Variants in ICE1 observed in about 807,000 individuals in gnomAD.
ICE1 encodes the protein interactor of little elongation complex ELL subunit 1.
ICE1 carries 64 observed loss-of-function variants against 192.7 expected under a neutral mutation model. The ratio of observed to expected loss-of-function variants is 0.33; its 90% CI spans 0.27 to 0.41. The LOEUF (loss-of-function observed/expected upper bound fraction) is 0.41. ICE1 is among the 10% of genes least tolerant of loss of function. ICE1 has a pLI of 1.00. For missense variants in ICE1, 2,708 were observed against 2,696.0 expected (o/e 1.00, Z -0.10); for synonymous variants, 1,010 against 984.5 (o/e 1.03, Z -0.49).
At chr5:5,456,905 GA>G (rs1396608980) in intron 11 of ICE1, among the ~76,000 whole-genome samples, 1 of 152,122 alleles carries the variant, frequency 6.6e-6, no homozygotes, top group African/African-American at 2.4e-5. Flanking sequence ...GGGTAGGCTT[GA>G]TATTAGTTGA....
At chr5:5,480,469 C>T (rs1164579582) in intron 17 of ICE1, among the ~76,000 whole-genome samples, 3 of 152,130 alleles carry the variant, frequency 2.0e-5, no homozygotes, top group East Asian at 1.9e-4. Flanking sequence ...AGGATGGTCT[C>T]GATCTCCTGA....
Position 5,447,552 on chromosome 5 carries a change from T to G in ICE1, c.507+43T>G, listed in dbSNP as rs768852744. The G allele has an allele frequency of 4.8e-6, 7 of 1,465,298 alleles. No homozygotes were observed. In the South Asian group the frequency reaches 8.6e-5, roughly 18 times the overall value. The allele number at this position is 1,465,298 out of a possible 1,614,324, so 90.8% of individuals were successfully genotyped here. A position where few individuals can be genotyped will look rare whatever the true frequency, so the allele number is the denominator to read the frequency against. On this transcript the variant is annotated intron_variant, in intron 8 of 18. Coordinates refer to ENST00000296564, the MANE Select transcript of ICE1 (RefSeq NM_015325.3). ...CATACACACACCTTAAATACGTGGC[T>G]CCAGGGTCTCTGTAGTGTCTCTGTG...
intron 14 of ICE1, among the ~76,000 whole-genome samples, chr5:5,468,348 A>G (rs1181684728): frequency 6.6e-6 from 1 of 152,196 alleles, no homozygotes; most frequent in Non-Finnish European, 1.5e-5. Flanking sequence ...ATTTATCCAA[A>G]TTCATTGAAC....
chr5:5,482,441 C>G (rs1739528566), intron 17 of ICE1, among the ~76,000 whole-genome samples: 1 of 152,158 alleles, frequency 6.6e-6, no homozygotes, highest in Non-Finnish European at 1.5e-5. Flanking sequence ...AGCGTAATGT[C>G]AAAGTAGGAG....
chr5:5,448,776 A>G (rs1299438447), intron 10 of ICE1, among the ~76,000 whole-genome samples: 3 of 152,068 alleles, frequency 2.0e-5, no homozygotes, highest in Admixed American at 6.6e-5. Flanking sequence ...AATTCAGAGT[A>G]CAAGTTTATG....
Position 5,468,996 on chromosome 5 carries a change from A to G in ICE1, c.6222+8A>G, listed in dbSNP as rs746123994. 3.3e-6 allele frequency: 5 copies of G among 1,497,848 alleles called. No homozygotes were observed. Among genetic ancestry groups the G allele is most frequent in the Admixed American group, 2.4e-5 (1 of 41,510 alleles). The allele number at this position is 1,497,848 out of a possible 1,614,324, so 92.8% of individuals were successfully genotyped here. On this transcript the variant is annotated splice_region_variant and intron_variant, in intron 15 of 18. Coordinates refer to ENST00000296564, the MANE Select transcript of ICE1 (RefSeq NM_015325.3). Reference sequence around the variant, plus strand: ...TTTCTTAATTGGGAAAAGGTGAGCCATATTTCTGTTTCTTACAGTATCTTA... The same window carrying G: ...TTTCTTAATTGGGAAAAGGTGAGCCGTATTTCTGTTTCTTACAGTATCTTA...
chr5:5,479,449 G>C (rs1273308396), intron 17 of ICE1, among the ~76,000 whole-genome samples: 1 of 152,202 alleles, frequency 6.6e-6, no homozygotes, highest in Non-Finnish European at 1.5e-5. Flanking sequence ...AACAACAGAT[G>C]CTGGTGAGGC....
chr5:5,439,150 A>G (rs1737963442), intron 3 of ICE1, among the ~76,000 whole-genome samples: 1 of 152,168 alleles, frequency 6.6e-6, no homozygotes, highest in Non-Finnish European at 1.5e-5. Flanking sequence ...ATGGCAAGAA[A>G]TGTATTTTAT....
chr5:5,460,473 A>T lies in ICE1; in HGVS notation c.1139A>T (p.Asn380Ile), dbSNP rs1738734966. ...YFGEYTDSSDNDSVQLRNSAE... is the reference protein window; with the variant it reads ...YFGEYTDSSDIDSVQLRNSAE... ...GGAGAATACACAGATTCCAGCGATA[A>T]TGACTCAGTCCAGCTTAGAAATTCT... The change falls in exon 13 of 19, where the codon AAT becomes ATT. Residue 380 changes from asparagine (N) to isoleucine (I), a missense_variant. Transcript: ENST00000296564. 6.2e-7 allele frequency: 1 copy of T among 1,605,480 alleles called. No individual in the cohort carries two copies. The highest frequency in any genetic ancestry group is 1.1e-5 in the South Asian group (1 of 89,790).
chr5:5,437,184 A>G (rs1737893487), intron 3 of ICE1, 70 bp downstream of exon 3: 1 of 1,244,514 alleles, frequency 8.0e-7, no homozygotes, highest in Admixed American at 2.0e-5. Flanking sequence ...AAGAGATGTG[A>G]GAATTGTTCC....
In ICE1 at chr5:5,463,336, C is replaced by T. The variant is rs141988637; in HGVS notation, c.4002C>T (p.Ser1334=). Residue 1334 remains serine, a synonymous_variant, in exon 13 of 19, where the codon AGC becomes AGT. Coordinates refer to ENST00000296564, the MANE Select transcript of ICE1 (RefSeq NM_015325.3). The stretch of plus-strand genomic sequence containing the variant: ...ACACTGAGGGCAGCTCTCCCATCAG[C>T]GGTATGCCTCAGAATGAAAACCCTC... ...ALDTEGSSPI[S]GMPQNENPQS... The T allele has an allele frequency of 2.4e-4, 387 of 1,613,568 alleles. 2 individuals are homozygous for T. In the East Asian group the frequency reaches 7.7e-3, roughly 32 times the overall value.
intron 16 of ICE1, 142 bp from the exon 17 acceptor site, chr5:5,475,831 C>A (rs185844800): frequency 3.8e-4 from 236 of 621,360 alleles, no homozygotes; most frequent in Non-Finnish European, 4.5e-4. Context: ...TGTGAGCATC[C>A]AGTATCTGTT....
intron 14 of ICE1, among the ~76,000 whole-genome samples, chr5:5,468,497 A>G (rs1486732594): frequency 6.6e-6 from 1 of 152,270 alleles, no homozygotes. Context: ...AATTCTTCAA[A>G]TCAGAAGCTT....
chr5:5,433,560 C>G (rs13356005), intron 1 of ICE1, among the ~76,000 whole-genome samples: 9,473 of 152,138 alleles, frequency 0.062, 965 homozygotes, highest in African/African-American at 0.22. Flanking sequence ...AAGTTTTTGA[C>G]TGTATTTTTA....
intron 1 of ICE1, among the ~76,000 whole-genome samples, chr5:5,435,091 C>T (rs1737829224): frequency 6.6e-6 from 1 of 152,200 alleles, no homozygotes; most frequent in African/African-American, 2.4e-5. Context: ...TCATGGCATG[C>T]TGTCTGTAAA....
chr5:5,477,130 A>C (rs1269522585), intron 17 of ICE1, among the ~76,000 whole-genome samples: 1 of 152,080 alleles, frequency 6.6e-6, no homozygotes, highest in Non-Finnish European at 1.5e-5. Flanking sequence ...CAGAATTATC[A>C]GTGATAAAAT....
chr5:5,470,764 GA>G (rs1166491815), intron 15 of ICE1, among the ~76,000 whole-genome samples: 4 of 151,682 alleles, frequency 2.6e-5, no homozygotes, highest in East Asian at 1.9e-4. Flanking sequence ...AAATTTAACA[GA>G]AAAAAAATTC....
At chr5:5,474,198 A>G (rs372956861) in intron 16 of ICE1, among the ~76,000 whole-genome samples, 171 of 150,574 alleles carry the variant, frequency 1.1e-3, no homozygotes, top group African/African-American at 3.9e-3. Flanking sequence ...TGACAGAGTA[A>G]GACTTCATCT....
intron 7 of ICE1, 128 bp from the exon 8 acceptor site, chr5:5,447,299 G>A (rs4702268): frequency 0.051 from 33,463 of 657,640 alleles, 3,149 homozygotes; most frequent in East Asian, 0.35. Context: ...GGCTTTTTAC[G>A]AAATTTATTT....
Sources: allele counts gnomAD v4.1 joint callset (sites outside exome capture counted in the v4.1 genomes callset), GRCh38; gene constraint gnomAD v4.1.1; transcripts MANE v1.5; gene names NCBI Gene and HGNC (gene_info 2026-07-23, HGNC 2026-07-21).